EBF1: variants seen among roughly 807,000 people sequenced by gnomAD.
EBF1 encodes transcription factor COE1.
Under a neutral mutation model 68.4 loss-of-function variants are expected in EBF1, and 10 were observed. The observed-to-expected ratio is 0.15, with a 90% confidence interval of 0.09 to 0.25. EBF1 has a LOEUF of 0.25. Among genes scored for constraint, EBF1 ranks in the 10% least tolerant of loss-of-function variants. The probability of loss-of-function intolerance (pLI) is 1.00; values close to 1 mark genes in which losing one functional copy is unlikely to be tolerated. For synonymous variants in EBF1, 298 were observed against 299.8 expected (o/e 0.99, Z 0.06); for missense variants, 509 against 794.4 (o/e 0.64, Z 4.32).
intron 6 of EBF1, among the ~76,000 whole-genome samples, chr5:158,868,952 T>C (rs188447277): frequency 1.3e-5 from 2 of 152,302 alleles, no homozygotes; most frequent in Admixed American, 1.3e-4. Flanking sequence ...AGGTTTCATG[T>C]TCTCTTGACA....
chr5:159,023,305 A>T (rs1047847048), intron 6 of EBF1, among the ~76,000 whole-genome samples: 1 of 152,244 alleles, frequency 6.6e-6, no homozygotes, highest in African/African-American at 2.4e-5. Flanking sequence ...ATACAGCACT[A>T]AAAACCTTAT....
chr5:158,822,372 G>A (rs1424769109), intron 8 of EBF1, among the ~76,000 whole-genome samples: 1 of 152,048 alleles, frequency 6.6e-6, no homozygotes, highest in African/African-American at 2.4e-5. Context: ...AGAGGAGGAA[G>A]AGTGGATATA....
chr5:158,755,227 C>G (rs552619695), intron 10 of EBF1, among the ~76,000 whole-genome samples: 5 of 151,868 alleles, frequency 3.3e-5, no homozygotes, highest in African/African-American at 1.2e-4. Flanking sequence ...GAAGATGGAG[C>G]TCAGTAATTA....
chr5:158,987,113 T>G (rs1759241975), intron 6 of EBF1: 1 of 152,238 alleles, frequency 6.6e-6, no homozygotes, highest in Non-Finnish European at 1.5e-5. Flanking sequence ...ACAGCATTCA[T>G]TCATCTAGTT....
At chr5:159,024,402 G>A (rs546488837) in intron 6 of EBF1, among the ~76,000 whole-genome samples, 2 of 152,118 alleles carry the variant, frequency 1.3e-5, no homozygotes, top group Non-Finnish European at 2.9e-5. Context: ...CAATTTTACG[G>A]CCCTTGCTTG....
intron 6 of EBF1, among the ~76,000 whole-genome samples, chr5:158,995,876 G>A (rs903468768): frequency 7.2e-5 from 11 of 152,164 alleles, no homozygotes; most frequent in Non-Finnish European, 7.3e-5. Flanking sequence ...TCACAGACTC[G>A]CAATGCAATT....
intron 6 of EBF1, among the ~76,000 whole-genome samples, chr5:158,908,787 T>C (rs1441831821): frequency 6.6e-6 from 1 of 152,200 alleles, no homozygotes; most frequent in Admixed American, 6.5e-5. Flanking sequence ...CCTCGGTGAT[T>C]GGCAGCCAAC....
intron 6 of EBF1, among the ~76,000 whole-genome samples, chr5:158,909,044 C>A (rs1229329056): frequency 6.6e-6 from 1 of 151,866 alleles, no homozygotes; most frequent in African/African-American, 2.4e-5. Context: ...CAAGCTGTGA[C>A]CCCCGGGCTG....
At chr5:159,088,989 G>A (rs1271298158) in intron 4 of EBF1, among the ~76,000 whole-genome samples, 1 of 152,032 alleles carries the variant, frequency 6.6e-6, no homozygotes, top group Non-Finnish European at 1.5e-5. Flanking sequence ...GAGTTAAATA[G>A]TAAACAACAT....
chr5:159,082,300 A>G (rs1227418701), intron 5 of EBF1, among the ~76,000 whole-genome samples: 1 of 152,214 alleles, frequency 6.6e-6, no homozygotes, highest in Non-Finnish European at 1.5e-5. Flanking sequence ...GATAGAAAGC[A>G]CTGCAGAAAG....
Position 158,872,996 on chromosome 5 carries a change from A to ATTTTTTTT in EBF1, c.555-32894_555-32887dup, listed in dbSNP as rs539493620. On this transcript the variant is annotated intron_variant, in intron 6 of 15. Transcript: ENST00000313708. ...GGCTCTTCAGTCAAGAATGACACTAATTTTTTTTTTTTTTTTTTTTTTTTT... is the reference window on the plus strand; with the variant it reads ...GGCTCTTCAGTCAAGAATGACACTAATTTTTTTTTTTTTTTTTTTTTTTTTTTTTTTTT... Among the ~76,000 whole-genome samples, 407 of 81,118 alleles carry ATTTTTTTT rather than the reference A, an allele frequency of 5.0e-3. 37 individuals are homozygous for ATTTTTTTT. Among genetic ancestry groups the ATTTTTTTT allele is most frequent in the Non-Finnish European group, 6.3e-3 (278 of 44,378 alleles). 53.2% of individuals were successfully genotyped at this position (81,118 alleles called of 152,430 possible).
At chr5:158,783,993 T>G (rs1157812438) in intron 9 of EBF1, among the ~76,000 whole-genome samples, 1 of 152,198 alleles carries the variant, frequency 6.6e-6, no homozygotes, top group African/African-American at 2.4e-5. Context: ...TTTAAAAATA[T>G]GAGTGGAAGC....
At chr5:159,001,124 C>T (rs936121566) in intron 6 of EBF1, among the ~76,000 whole-genome samples, 1 of 152,086 alleles carries the variant, frequency 6.6e-6, no homozygotes, top group African/African-American at 2.4e-5. Flanking sequence ...AAAAGTCAGA[C>T]AATGTAAAAA....
chr5:159,090,565 T>C (rs1270282175), intron 4 of EBF1, among the ~76,000 whole-genome samples: 1 of 152,120 alleles, frequency 6.6e-6, no homozygotes, highest in Non-Finnish European at 1.5e-5. Flanking sequence ...TGCTGTTCAG[T>C]TACATCACAG....
At chr5:158,836,223 T>TG (rs1788758879) in intron 7 of EBF1, among the ~76,000 whole-genome samples, 1 of 152,288 alleles carries the variant, frequency 6.6e-6, no homozygotes, top group Non-Finnish European at 1.5e-5. Context: ...GATCTAAACC[T>TG]GGGTGTCAGG....
intron 6 of EBF1, among the ~76,000 whole-genome samples, chr5:158,893,300 G>A (rs1424597649): frequency 6.6e-6 from 1 of 152,104 alleles, no homozygotes; most frequent in Non-Finnish European, 1.5e-5. Flanking sequence ...GTCTTGCATG[G>A]CTGGGATTAG....
intron 6 of EBF1, among the ~76,000 whole-genome samples, chr5:158,905,307 T>C (rs753559725): frequency 6.6e-6 from 1 of 152,198 alleles, no homozygotes; most frequent in Non-Finnish European, 1.5e-5. Context: ...CTAGCTCCTA[T>C]GTGAATGTAT....
At chr5:158,897,977 C>T (rs1012033674) in intron 6 of EBF1, among the ~76,000 whole-genome samples, 6 of 152,170 alleles carry the variant, frequency 3.9e-5, no homozygotes, top group Non-Finnish European at 1.5e-5. Context: ...GAGGGCTCAA[C>T]AAATGCTGGC....
intron 12 of EBF1, 25 bp downstream of exon 12, chr5:158,714,092 C>A: frequency 1.9e-6 from 3 of 1,613,538 alleles, no homozygotes. Flanking sequence ...GCAGTCCACA[C>A]AGGCTAGACA....
Sources: allele counts gnomAD v4.1 joint callset (sites outside exome capture counted in the v4.1 genomes callset), GRCh38; gene constraint gnomAD v4.1.1; transcripts MANE v1.5; gene names NCBI Gene and HGNC (gene_info 2026-07-23, HGNC 2026-07-21).